LRRC31: variants seen among roughly 807,000 people sequenced by gnomAD.
LRRC31 encodes the protein leucine-rich repeat-containing protein 31.
LRRC31 carries 35 observed loss-of-function variants against 46.7 expected under a neutral mutation model. The observed-to-expected ratio is 0.75, with a 90% CI of 0.57 to 0.99. The LOEUF (loss-of-function observed/expected upper bound fraction) is 0.99, where lower values mean the gene tolerates loss of function less well. Ranked by LOEUF, LRRC31 falls within the 50% of genes least tolerant of loss-of-function variation. The probability of loss-of-function intolerance (pLI) is 0.00; values close to 1 mark genes in which losing one functional copy is unlikely to be tolerated. For missense variants in LRRC31, 613 were observed against 626.1 expected (o/e 0.98, Z 0.22); for synonymous variants, 236 against 235.1 (o/e 1.00, Z -0.03).
At chr3:169,856,647 T>C (rs1780951820) in intron 4 of LRRC31, 58 bp downstream of exon 4, 15 of 1,489,966 alleles carry the variant, frequency 1.0e-5, no homozygotes, top group Non-Finnish European at 1.3e-5. Context: ...ACAGCAAACT[T>C]CCCAAGCTAT....
intron 2 of LRRC31, among the ~76,000 whole-genome samples, 154 bp downstream of exon 2, chr3:169,861,516 C>A (rs1383614177): frequency 6.1e-5 from 9 of 148,636 alleles, no homozygotes; most frequent in Admixed American, 6.0e-4. Flanking sequence ...GAGACTCCGT[C>A]TCAAAAAAAA....
chr3:169,861,925 A>AT, intron 1 of LRRC31, 112 bp from the exon 2 acceptor site: 3 of 1,167,898 alleles, frequency 2.6e-6, no homozygotes, highest in Non-Finnish European at 3.6e-6. Flanking sequence ...TTGCTCTTTT[A>AT]TAAAAACCTC....
At chr3:169,849,882 C>A (rs1298094645) in intron 7 of LRRC31, among the ~76,000 whole-genome samples, 3 of 152,204 alleles carry the variant, frequency 2.0e-5, no homozygotes, top group African/African-American at 7.2e-5. Flanking sequence ...TATGAACACC[C>A]CCAGATTCCA....
rs762816607 is a variant in LRRC31 at position 169,851,670 on chromosome 3, A to G, written c.1108T>C (p.Ser370Pro). The change falls in exon 7 of 9, where the codon TCA becomes CCA. Residue 370 changes from serine to proline, a missense_variant. Physicochemically the swap from Ser to Pro is moderately conservative, Grantham distance 74 (BLOSUM62 -1). Coordinates refer to ENST00000316428, the MANE Select transcript of LRRC31 (RefSeq NM_024727.4). Reference protein sequence around the residue: ...SRLRFLPALKSLVINNCALES... With the variant: ...SRLRFLPALKPLVINNCALES... Reference sequence around the variant, plus strand: ...AAAGCACAGTTGTTGATAACTAATGACTTCAATGCTGGTAAAAATCGGAGC... The same window carrying G: ...AAAGCACAGTTGTTGATAACTAATGGCTTCAATGCTGGTAAAAATCGGAGC... 17 of 1,614,066 alleles carry G rather than the reference A, an allele frequency of 1.1e-5. No individual in the cohort carries two copies. In the Admixed American group the frequency reaches 2.8e-4, roughly 27 times the overall value.
At chr3:169,868,957 A>G (rs1197469041) in intron 1 of LRRC31, among the ~76,000 whole-genome samples, 2 of 152,078 alleles carry the variant, frequency 1.3e-5, no homozygotes, top group Non-Finnish European at 2.9e-5. Flanking sequence ...AAAATAGAAT[A>G]TATAAGATCT....
intron 1 of LRRC31, among the ~76,000 whole-genome samples, chr3:169,868,270 C>T (rs1195316258): frequency 1.3e-5 from 2 of 152,214 alleles, no homozygotes; most frequent in African/African-American, 4.8e-5. Context: ...AAAGCCTTTG[C>T]ATGTACAGTC....
chr3:169,868,995 A>G (rs1171399156), intron 1 of LRRC31, among the ~76,000 whole-genome samples: 1 of 152,044 alleles, frequency 6.6e-6, no homozygotes, highest in African/African-American at 2.4e-5. Flanking sequence ...CAGGGTGACT[A>G]TATTTATCCT....
chr3:169,848,148 G>A lies in LRRC31; in HGVS notation c.1299C>T (p.Ser433=), dbSNP rs1314829712. The part of the protein sequence containing the change: ...SLQVLRLSSC[S]LVTEDVALLA... ...GGAGAGCCACATCCTCTGTCACCAG[G>A]GAACAGCTGCTCAGCCTCAGCACTT... is the stretch of plus-strand genomic sequence containing the variant. The change falls in exon 8 of 9, where the codon TCC becomes TCT. Residue 433 remains serine (S), a synonymous_variant. Transcript: ENST00000316428. 6.2e-7 allele frequency: 1 copy of A among 1,613,984 alleles called. No individual in the cohort carries two copies. The highest frequency in any genetic ancestry group is 8.5e-7 in the Non-Finnish European group (1 of 1,179,930).
At chr3:169,853,792 A>G (rs1274599109) in intron 6 of LRRC31, 1 of 836,298 alleles carries the variant, frequency 1.2e-6, no homozygotes, top group East Asian at 1.2e-4. Flanking sequence ...AACATATTTT[A>G]CGGTCTTCCT....
Position 169,857,008 on chromosome 3 carries a change from G to A in LRRC31, c.488-136C>T, listed in dbSNP as rs919106219. The stretch of plus-strand genomic sequence containing the variant: ...CTGTCCTGTTTGGCACCGAGGAACA[G>A]AGAGAAGGAAAGAACCCAATTCCTT... On this transcript the variant is annotated intron_variant, in intron 3 of 8. Transcript: ENST00000316428. The A allele has an allele frequency of 4.0e-5, 29 of 731,366 alleles. 2 individuals are homozygous for A. Among genetic ancestry groups the A allele is most frequent in the African/African-American group, 5.4e-5 (3 of 55,162 alleles). 45.3% of individuals were successfully genotyped at this position (731,366 alleles called of 1,614,324 possible). A position where few individuals can be genotyped will look rare whatever the true frequency, so the allele number is the denominator to read the frequency against.
intron 1 of LRRC31, among the ~76,000 whole-genome samples, chr3:169,862,734 C>A (rs1047483785): frequency 6.6e-6 from 1 of 151,940 alleles, no homozygotes; most frequent in African/African-American, 2.4e-5. Flanking sequence ...TCACACCAGC[C>A]TGGCAACAGA....
At chr3:169,857,006 C>G in intron 3 of LRRC31, 134 bp from the exon 4 acceptor site, 2 of 738,774 alleles carry the variant, frequency 2.7e-6, no homozygotes. Flanking sequence ...CACCGAGGAA[C>G]AGAGAGAAGG....
intron 3 of LRRC31, among the ~76,000 whole-genome samples, chr3:169,860,106 T>C (rs1781099200): frequency 6.6e-6 from 1 of 151,318 alleles, no homozygotes; most frequent in Non-Finnish European, 1.5e-5. Context: ...ACTGCACCAC[T>C]GCACTCCAGC....
chr3:169,869,645 T>TG lies in LRRC31; in HGVS notation c.162dup (p.Thr55HisfsTer6). The TG allele has an allele frequency of 6.2e-7, 1 of 1,600,754 alleles. No individual in the cohort carries two copies. Among genetic ancestry groups the TG allele is most frequent in the Non-Finnish European group, 8.5e-7 (1 of 1,174,708 alleles). On this transcript the variant is annotated frameshift_variant, in exon 1 of 9. Coordinates refer to ENST00000316428, the MANE Select transcript of LRRC31 (RefSeq NM_024727.4). LOFTEE classifies it high-confidence loss of function. ...GCCAGCAGCTTACCAGTCTCTGAGG[T>TG]GGCTGTCTTCTGTATCCAGTCGCTG...
chr3:169,867,380 C>T (rs1175354000), intron 1 of LRRC31, among the ~76,000 whole-genome samples: 1 of 151,354 alleles, frequency 6.6e-6, no homozygotes, highest in Non-Finnish European at 1.5e-5. Context: ...GCCTCAGCCT[C>T]CCGAGTAGCT....
rs995108518 is a variant in LRRC31, at chr3:169,861,614, C to T, written c.319+56G>A. 63 of 1,581,398 alleles carry T rather than the reference C, an allele frequency of 4.0e-5. No individual in the cohort carries two copies. The Admixed American group carries it at 1.1e-3, about 27-fold the overall frequency. Reference sequence around the variant, plus strand: ...TGGGTAGCTGAGTATGTTTTATCTGCTTATCTCAATGGAAAGGCCCTATCT... The same window carrying T: ...TGGGTAGCTGAGTATGTTTTATCTGTTTATCTCAATGGAAAGGCCCTATCT... On this transcript the variant is annotated intron_variant, in intron 2 of 8. Transcript: ENST00000316428.
chr3:169,863,755 A>T (rs1392636197), intron 1 of LRRC31, among the ~76,000 whole-genome samples: 1 of 152,200 alleles, frequency 6.6e-6, no homozygotes, highest in Non-Finnish European at 1.5e-5. Context: ...TAAATCGACA[A>T]GGAATTGTTT....
chr3:169,857,415 C>CATATAT (rs1553924970), intron 3 of LRRC31, among the ~76,000 whole-genome samples: 3 of 98,692 alleles, frequency 3.0e-5, no homozygotes, highest in African/African-American at 7.2e-5. Context: ...TATACATATA[C>CATATAT]ATATATATAT....
intron 8 of LRRC31, among the ~76,000 whole-genome samples, chr3:169,844,557 C>T (rs1252065803): frequency 1.3e-5 from 2 of 152,164 alleles, no homozygotes; most frequent in African/African-American, 4.8e-5. Context: ...AGAATGCTCT[C>T]ATCTCATTCA....
Sources: allele counts gnomAD v4.1 joint callset (sites outside exome capture counted in the v4.1 genomes callset), GRCh38; gene constraint gnomAD v4.1.1; transcripts MANE v1.5; gene names NCBI Gene and HGNC (gene_info 2026-07-23, HGNC 2026-07-21).